The following GRXCR1 variants were observed in gnomAD, a reference collection of about 807,000 sequenced individuals.
The protein encoded by GRXCR1 is glutaredoxin domain-containing cysteine-rich protein 1.
GRXCR1 carries 27 observed loss-of-function variants against 27.3 expected under a neutral mutation model. That is an observed-to-expected ratio of 0.99 (90% confidence interval 0.73 to 1.37). The LOEUF (loss-of-function observed/expected upper bound fraction) is 1.37, where lower values mean the gene tolerates loss of function less well. Ranked by LOEUF, GRXCR1 falls within the 40% of genes most tolerant of loss-of-function variation. The pLI is 0.00. For missense variants in GRXCR1, 379 were observed against 354.4 expected (o/e 1.07, Z -0.56); for synonymous variants, 122 against 131.1 (o/e 0.93, Z 0.47).
At chr4:42,936,123 G>A (rs757208030) in intron 1 of GRXCR1, among the ~76,000 whole-genome samples, 10 of 151,886 alleles carry the variant, frequency 6.6e-5, no homozygotes, top group Non-Finnish European at 1.2e-4. Context: ...AGGAACAGGT[G>A]AGAATTATCC....
At chr4:42,955,961 G>A (rs973158858) in intron 1 of GRXCR1, among the ~76,000 whole-genome samples, 3 of 152,096 alleles carry the variant, frequency 2.0e-5, no homozygotes, top group African/African-American at 7.2e-5. Flanking sequence ...TTCTTGGCCT[G>A]AATTCCAGGA....
rs927074768 is a variant in GRXCR1, at chr4:43,030,266, T to C, written c.694-95T>C. The C allele has an allele frequency of 4.7e-5, 51 of 1,091,960 alleles. No homozygotes were observed. In the South Asian group the frequency reaches 6.0e-4, roughly 13 times the overall value. The allele number at this position is 1,091,960 out of a possible 1,614,324, so 67.6% of individuals were successfully genotyped here. A position where few individuals can be genotyped will look rare whatever the true frequency, so the allele number is the denominator to read the frequency against. On this transcript the variant is annotated intron_variant, in intron 3 of 3. Transcript: ENST00000399770. ...GCCATATTATGCCAATATTGCTTTA[T>C]GACCACTCACAGTTCAGAAAGACCG... is the stretch of plus-strand genomic sequence containing the variant.
intron 1 of GRXCR1, among the ~76,000 whole-genome samples, chr4:42,911,472 A>G (rs1355300933): frequency 6.6e-6 from 1 of 152,254 alleles, no homozygotes; most frequent in Non-Finnish European, 1.5e-5. Context: ...ATACACTGCA[A>G]TATGAAATAT....
intron 1 of GRXCR1, among the ~76,000 whole-genome samples, chr4:42,909,607 CA>C (rs1746672169): frequency 6.6e-6 from 1 of 152,094 alleles, no homozygotes; most frequent in Non-Finnish European, 1.5e-5. Flanking sequence ...GTTATTTTCT[CA>C]TTAAAAAATC....
chr4:42,952,758 T>G (rs2109769924), intron 1 of GRXCR1, among the ~76,000 whole-genome samples: 1 of 152,192 alleles, frequency 6.6e-6, no homozygotes, highest in South Asian at 2.1e-4. Context: ...GAGCAGTTGA[T>G]CAGCTAAGGA....
At chr4:42,894,647 T>C (rs1390702218) in intron 1 of GRXCR1, among the ~76,000 whole-genome samples, 4 of 151,976 alleles carry the variant, frequency 2.6e-5, no homozygotes, top group Non-Finnish European at 5.9e-5. Flanking sequence ...ATCAGGAGGA[T>C]TTAAAAAATT....
At chr4:42,948,075 A>T (rs1747789043) in intron 1 of GRXCR1, among the ~76,000 whole-genome samples, 1 of 152,166 alleles carries the variant, frequency 6.6e-6, no homozygotes, top group African/African-American at 2.4e-5. Flanking sequence ...AGCTGAGCTG[A>T]AAAATTATCT....
At chr4:42,901,288 G>A (rs187352979) in intron 1 of GRXCR1, among the ~76,000 whole-genome samples, 24 of 152,252 alleles carry the variant, frequency 1.6e-4, no homozygotes, top group African/African-American at 4.6e-4. Flanking sequence ...TTAAATCAGC[G>A]CAAATCTATC....
chr4:43,009,163 C>G (rs1435650676), intron 2 of GRXCR1, among the ~76,000 whole-genome samples: 2 of 152,140 alleles, frequency 1.3e-5, no homozygotes, highest in Non-Finnish European at 2.9e-5. Context: ...ATTTAGAGAC[C>G]TGGGTTTATT....
intron 1 of GRXCR1, among the ~76,000 whole-genome samples, chr4:42,920,538 G>C (rs144728226): frequency 6.6e-6 from 1 of 152,096 alleles, no homozygotes. Context: ...TGGAAGCTTA[G>C]AGAATGTGTT....
chr4:42,967,070 G>C (rs1463262754), intron 2 of GRXCR1, among the ~76,000 whole-genome samples: 1 of 151,926 alleles, frequency 6.6e-6, no homozygotes, highest in East Asian at 1.9e-4. Context: ...GTCACCTTAT[G>C]CATAATTTCT....
rs114269204 is a variant in GRXCR1, at chr4:42,910,516, G to A, written c.384+16866G>A. ...ATATGCTGAGTGGGCTTCCGTGAAT[G>A]CCCCATGGAGGAGTCAGAAAAAGCA... On this transcript the variant is annotated intron_variant, in intron 1 of 3. Coordinates refer to ENST00000399770, the MANE Select transcript of GRXCR1 (RefSeq NM_001080476.3). Among the ~76,000 whole-genome samples, 583 of 152,190 alleles carry A rather than the reference G, an allele frequency of 3.8e-3. 2 individuals carry two copies. The highest frequency in any genetic ancestry group is 0.013 in the African/African-American group (546 of 41,548).
chr4:42,968,741 C>G (rs559923525), intron 2 of GRXCR1, among the ~76,000 whole-genome samples: 49 of 152,152 alleles, frequency 3.2e-4, no homozygotes, highest in African/African-American at 1.2e-3. Flanking sequence ...AAAGTACCTC[C>G]TTCTTAAAAG....
chr4:42,941,713 G>A (rs987122518), intron 1 of GRXCR1, among the ~76,000 whole-genome samples: 2 of 151,934 alleles, frequency 1.3e-5, no homozygotes, highest in Non-Finnish European at 2.9e-5. Context: ...CATGGTGTGG[G>A]CCTTAGTTGG....
rs117239187 is a variant in GRXCR1 at position 42,995,318 on chromosome 4, C to T, written c.628-25036C>T. On this transcript the variant is annotated intron_variant, in intron 2 of 3. Transcript: ENST00000399770. The stretch of plus-strand genomic sequence containing the variant: ...TATTCATCAATACATTTTGGTATTC[C>T]TGCTTTGGAAAATTTGCCATGCACC... Among the ~76,000 whole-genome samples the T allele has an allele frequency of 3.9e-4, 59 of 152,182 alleles. No homozygotes were observed. The East Asian group carries it at 0.011, about 29-fold the overall frequency.
At chr4:42,948,760 C>T (rs1747805424) in intron 1 of GRXCR1, among the ~76,000 whole-genome samples, 1 of 152,048 alleles carries the variant, frequency 6.6e-6, no homozygotes, top group African/African-American at 2.4e-5. Flanking sequence ...AGTGTAATAA[C>T]ATGGGTCCTT....
intron 1 of GRXCR1, among the ~76,000 whole-genome samples, chr4:42,945,733 C>T (rs1165769297): frequency 6.6e-6 from 1 of 152,110 alleles, no homozygotes; most frequent in Non-Finnish European, 1.5e-5. Context: ...CCATGGTTAA[C>T]ATCTGCACAA....
rs775363257 is a variant in GRXCR1 at position 42,893,550 on chromosome 4, G to C, written c.284G>C (p.Arg95Thr). 5.3e-5 allele frequency: 85 copies of C among 1,613,762 alleles called. No homozygotes were observed. Among genetic ancestry groups the C allele is most frequent in the Non-Finnish European group, 6.7e-5 (79 of 1,179,848 alleles). The change falls in exon 1 of 4, where the codon AGA becomes ACA. Residue 95 changes from arginine to threonine, a missense_variant. Coordinates refer to ENST00000399770, the MANE Select transcript of GRXCR1 (RefSeq NM_001080476.3). ...RAASEKGFGT[R>T]RVNILSKNGT... is the part of the protein sequence containing the mutation. ...GCCAGTGAGAAGGGTTTTGGTACAA[G>C]AAGAGTCAACATTTTAAGCAAAAAT...
At chr4:43,016,874 G>A (rs1712949315) in intron 2 of GRXCR1, among the ~76,000 whole-genome samples, 1 of 152,092 alleles carries the variant, frequency 6.6e-6, no homozygotes, top group African/African-American at 2.4e-5. Context: ...CTCGAAATGT[G>A]TATTTCTTCC....
Sources: allele counts gnomAD v4.1 joint callset (sites outside exome capture counted in the v4.1 genomes callset), GRCh38; gene constraint gnomAD v4.1.1; transcripts MANE v1.5; gene names NCBI Gene and HGNC (gene_info 2026-07-23, HGNC 2026-07-21).